Variants in CNTNAP5 observed in about 807,000 individuals in gnomAD.
The protein encoded by CNTNAP5 is contactin associated protein family member 5.
Under a neutral mutation model 150.2 loss-of-function variants are expected in CNTNAP5, and 72 were observed. The ratio of observed to expected loss-of-function variants is 0.48; its 90% CI spans 0.40 to 0.58. The LOEUF is 0.58. Among genes scored for constraint, CNTNAP5 ranks in the 20% least tolerant of loss-of-function variants. The pLI, the probability that CNTNAP5 is intolerant of heterozygous loss-of-function variation, is 0.00. For missense variants in CNTNAP5, 1,636 were observed against 1,626.2 expected (o/e 1.01, Z -0.10); for synonymous variants, 672 against 619.8 (o/e 1.08, Z -1.25).
chr2:124,190,439 C>A (rs1406416266), intron 1 of CNTNAP5, among the ~76,000 whole-genome samples: 1 of 152,154 alleles, frequency 6.6e-6, no homozygotes, highest in African/African-American at 2.4e-5. Context: ...GAGGACTCAA[C>A]TGGCAGATTT....
At chr2:124,357,871 G>T (rs1247414710) in intron 3 of CNTNAP5, among the ~76,000 whole-genome samples, 2 of 150,370 alleles carry the variant, frequency 1.3e-5, no homozygotes, top group Non-Finnish European at 3.0e-5. Context: ...GATGGGGATG[G>T]CATTGAATCT....
intron 1 of CNTNAP5, among the ~76,000 whole-genome samples, chr2:124,144,025 G>A (rs2104620952): frequency 6.6e-6 from 1 of 151,568 alleles, no homozygotes; most frequent in Admixed American, 6.6e-5. Flanking sequence ...CAAATCATGA[G>A]TGAACTCCCA....
chr2:124,098,064 C>G (rs1026860897), intron 1 of CNTNAP5, among the ~76,000 whole-genome samples: 17 of 151,930 alleles, frequency 1.1e-4, no homozygotes, highest in African/African-American at 3.9e-4. Context: ...AACAAAAAAG[C>G]CTTTGACTCC....
intron 3 of CNTNAP5, among the ~76,000 whole-genome samples, chr2:124,249,683 G>A: frequency 6.6e-6 from 1 of 152,116 alleles, no homozygotes; most frequent in Non-Finnish European, 1.5e-5. Context: ...ATCTGCACCT[G>A]ACCACCTTGG....
chr2:124,907,391 A>G (rs1485690409), intron 22 of CNTNAP5, among the ~76,000 whole-genome samples: 1 of 151,590 alleles, frequency 6.6e-6, no homozygotes, highest in Non-Finnish European at 1.5e-5. Context: ...CTATCTCTAT[A>G]TATACATAGA....
intron 13 of CNTNAP5, among the ~76,000 whole-genome samples, chr2:124,679,787 A>G (rs1679024495): frequency 6.6e-6 from 1 of 151,242 alleles, no homozygotes; most frequent in South Asian, 2.1e-4. Context: ...CTAGTCTCAG[A>G]CTCCTGGGCT....
chr2:124,156,617 T>C (rs1031850747), intron 1 of CNTNAP5, among the ~76,000 whole-genome samples: 2 of 152,132 alleles, frequency 1.3e-5, no homozygotes, highest in African/African-American at 4.8e-5. Context: ...TGTCTCAGCC[T>C]CCCAAGTAGC....
intron 3 of CNTNAP5, among the ~76,000 whole-genome samples, chr2:124,386,150 G>A (rs983641593): frequency 6.6e-6 from 1 of 152,112 alleles, no homozygotes; most frequent in African/African-American, 2.4e-5. Flanking sequence ...ATGGTCTACT[G>A]GAACCAAATG....
intron 3 of CNTNAP5, among the ~76,000 whole-genome samples, chr2:124,295,140 AC>A: frequency 6.6e-6 from 1 of 151,770 alleles, no homozygotes; most frequent in African/African-American, 2.4e-5. Context: ...AAACAAACAA[AC>A]AAACAAACAA....
intron 13 of CNTNAP5, among the ~76,000 whole-genome samples, chr2:124,663,446 G>A (rs1678634088): frequency 6.6e-6 from 1 of 152,158 alleles, no homozygotes; most frequent in Non-Finnish European, 1.5e-5. Context: ...AAAGGAATAA[G>A]ATAAGAAGAA....
intron 3 of CNTNAP5, among the ~76,000 whole-genome samples, chr2:124,295,239 A>G (rs1282785028): frequency 8.3e-6 from 1 of 120,750 alleles, no homozygotes. Context: ...ATAACTGTGA[A>G]GATCAATTTG....
chr2:124,120,317 GA>G (rs1683532327), intron 1 of CNTNAP5, among the ~76,000 whole-genome samples: 2 of 152,196 alleles, frequency 1.3e-5, no homozygotes, highest in Admixed American at 1.3e-4. Context: ...ATTGAGGGCA[GA>G]AATAGAGAGA....
chr2:124,031,108 G>A (rs1329322000), intron 1 of CNTNAP5, among the ~76,000 whole-genome samples: 1 of 149,790 alleles, frequency 6.7e-6, no homozygotes, highest in Admixed American at 6.7e-5. Flanking sequence ...CTTTTTCTTT[G>A]TTATCTTCTC....
intron 19 of CNTNAP5, among the ~76,000 whole-genome samples, chr2:124,836,134 A>G (rs1422954562): frequency 6.6e-6 from 1 of 152,164 alleles, no homozygotes; most frequent in Non-Finnish European, 1.5e-5. Flanking sequence ...GACACTGGAG[A>G]AAAGATAGGA....
chr2:124,383,677 A>G (rs991226553), intron 3 of CNTNAP5, among the ~76,000 whole-genome samples: 2 of 152,224 alleles, frequency 1.3e-5, no homozygotes, highest in African/African-American at 4.8e-5. Flanking sequence ...CAAGGCTATT[A>G]TGAAGGAGAA....
rs560714964 is a variant in CNTNAP5 at position 124,057,282 on chromosome 2, ATTT to A, written c.82+31565_82+31567del. ...CTACATCGAATAAATTAACAAGTCC[ATTT>A]TTTTTTTTTTTTTTGAGGTGGAGTC... On this transcript the variant is annotated intron_variant, in intron 1 of 23. Transcript: ENST00000682447. 4.0e-3 allele frequency among the ~76,000 whole-genome samples: 505 copies of A among 125,672 alleles called. 2 individuals are homozygous for A. The highest frequency in any genetic ancestry group is 6.4e-3 in the African/African-American group (213 of 33,300). 82.4% of individuals were successfully genotyped at this position (125,672 alleles called of 152,430 possible).
At chr2:124,249,154 G>A (rs941007724) in intron 3 of CNTNAP5, among the ~76,000 whole-genome samples, 1 of 152,032 alleles carries the variant, frequency 6.6e-6, no homozygotes, top group African/African-American at 2.4e-5. Flanking sequence ...CCTCAGATGG[G>A]TTTTATTTGA....
intron 11 of CNTNAP5, among the ~76,000 whole-genome samples, chr2:124,589,147 G>A (rs1053698909): frequency 6.6e-6 from 1 of 151,906 alleles, no homozygotes; most frequent in Non-Finnish European, 1.5e-5. Flanking sequence ...AGAACATTTC[G>A]ATGCCCCAAA....
At chr2:124,546,533 G>A (rs1695515465) in intron 10 of CNTNAP5, among the ~76,000 whole-genome samples, 1 of 152,166 alleles carries the variant, frequency 6.6e-6, no homozygotes, top group Admixed American at 6.6e-5. Context: ...CGGCCCTAGA[G>A]TGAATAAATC....
Sources: gnomAD v4.1 joint callset for allele counts (sites outside exome capture counted in the v4.1 genomes callset) on GRCh38, gnomAD v4.1.1 for gene constraint, MANE v1.5 for transcripts, NCBI Gene and HGNC (gene_info 2026-07-23, HGNC 2026-07-21) for gene names.